Variants in ATM observed in about 807,000 individuals in gnomAD.
ATM encodes the protein ATM serine/threonine kinase.
A neutral mutation model predicts 387.0 loss-of-function variants in ATM; 308 were observed. The observed-to-expected ratio is 0.80, with a 90% CI of 0.73 to 0.87. ATM has a LOEUF of 0.87. Ranked by LOEUF, ATM falls within the 40% of genes least tolerant of loss-of-function variation. ATM has a pLI of 0.00. For synonymous variants in ATM, 1,156 were observed against 1,187.3 expected, an observed-to-expected ratio of 0.97 and a Z score of 0.54; for missense variants, 3,312 against 3,560.9, an observed-to-expected ratio of 0.93 and a Z score of 1.78.
At chr11:108,337,851 A>G (rs1329124908) in intron 56 of ATM, among the ~76,000 whole-genome samples, 1 of 152,236 alleles carries the variant, frequency 6.6e-6, no homozygotes, top group Non-Finnish European at 1.5e-5. Context: ...CTATAGGAGC[A>G]CCTCCTGAAC....
intron 18 of ATM, 26 bp from the exon 19 acceptor site, chr11:108,271,038 G>T (rs1444887481): frequency 1.3e-6 from 2 of 1,593,086 alleles, no homozygotes; most frequent in East Asian, 2.2e-5. Flanking sequence ...GGATAAACCT[G>T]ATTTTTTTCC....
At chr11:108,293,909 ATAT>A (rs2082977214) in intron 31 of ATM, among the ~76,000 whole-genome samples, 1 of 142,624 alleles carries the variant, frequency 7.0e-6, no homozygotes, top group Non-Finnish European at 1.5e-5. Context: ...ATATATATAT[ATAT>A]ATATATATGT....
chr11:108,250,597 A>G, intron 9 of ATM, 104 bp from the exon 10 acceptor site: 4 of 1,235,264 alleles, frequency 3.2e-6, no homozygotes, highest in Non-Finnish European at 4.6e-6. Flanking sequence ...AATGATGGTG[A>G]TTCTCTAATT....
chr11:108,299,909 A>T, intron 34 of ATM, 24 bp downstream of exon 34: 1 of 1,591,762 alleles, frequency 6.3e-7, no homozygotes, highest in Non-Finnish European at 8.6e-7. Context: ...GATACCTTAT[A>T]TGTAATCTCA....
rs2080739028 is a variant in ATM at position 108,259,637 on chromosome 11, A to T, written c.2466+562A>T. On this transcript the variant is annotated intron_variant, in intron 16 of 62. Coordinates refer to ENST00000675843, the MANE Select transcript of ATM (RefSeq NM_000051.4). ...ATAAATAATACATTTAAAAATTGGG[A>T]ACGAATCATCCAGGCTCACAGCTAT... Among the ~76,000 whole-genome samples the T allele has an allele frequency of 2.6e-5, 4 of 152,244 alleles. No individual in the cohort carries two copies. The South Asian group carries it at 8.3e-4, about 32-fold the overall frequency.
Position 108,228,154 on chromosome 11 carries a change from TTTAG to T in ATM, c.185+273_185+276del, listed in dbSNP as rs145084494. Among the ~76,000 whole-genome samples, 3,331 of 152,252 alleles carry T rather than the reference TTTAG, an allele frequency of 0.022. 122 individuals carry two copies. Among genetic ancestry groups the T allele is most frequent in the African/African-American group, 0.075 (3,111 of 41,556 alleles). On this transcript the variant is annotated intron_variant, in intron 3 of 62. Coordinates refer to ENST00000675843, the MANE Select transcript of ATM (RefSeq NM_000051.4). ...AAAATTGAGAGAGAATTTCTTTCAT[TTTAG>T]TTAGTTCACAAGACTTCAGATTAGA...
chr11:108,241,850 TG>T, intron 5 of ATM, among the ~76,000 whole-genome samples: 1 of 147,582 alleles, frequency 6.8e-6, no homozygotes, highest in East Asian at 2.0e-4. Flanking sequence ...TGAGCTCAAA[TG>T]ATCCTCCCAC....
rs770905284 is a variant in ATM at position 108,345,911 on chromosome 11, A to G, written c.8584+3A>G. The G allele has an allele frequency of 6.2e-7, 1 of 1,613,530 alleles. No homozygotes were observed. Among genetic ancestry groups the G allele is most frequent in the Non-Finnish European group, 8.5e-7 (1 of 1,179,650 alleles). ...CAGTGTAGCTACTTCTTCTATTGGT[A>G]ATCTTCTTGTACATATAGTAGATTG... On this transcript the variant is annotated splice_donor_region_variant and intron_variant, in intron 58 of 62. Transcript: ENST00000675843.
At chr11:108,355,458 A>G (rs754959174) in intron 61 of ATM, 23 of 157,104 alleles carry the variant, frequency 1.5e-4, no homozygotes, top group Non-Finnish European at 5.6e-5. Context: ...GGCAGAAAAA[A>G]GGAAGTCAAA....
At position 108,353,867 on chromosome 11, in the gene ATM, G is replaced by A. The variant is rs876658519; in HGVS notation, c.8773G>A (p.Gly2925Ser). 2 of 1,612,782 alleles carry A rather than the reference G, an allele frequency of 1.2e-6. No homozygotes were observed. The highest frequency in any genetic ancestry group is 1.7e-6 in the Non-Finnish European group (2 of 1,178,942). Residue 2925 changes from glycine (G) to serine (S), a missense_variant, in exon 60 of 63, where the codon GGT becomes AGT. Transcript: ENST00000675843. ...VDGMGITGVE[G>S]VFRRCCEKTM... The stretch of plus-strand genomic sequence containing the variant: ...TGGCATGGGCATTACGGGTGTTGAA[G>A]GTGTCTTCAGAAGGTAAGTGATATG...
rs2136651700 is a variant in ATM at position 108,334,962 on chromosome 11, T to C, written c.8011-7T>C. On this transcript the variant is annotated splice_region_variant and splice_polypyrimidine_tract_variant and intron_variant, in intron 54 of 62. Transcript: ENST00000675843. ...CCTATTATCAATCATGTTTATACTT[T>C]TATTAGGTGGACCACACAGGAGAAT... 6.8e-6 allele frequency: 11 copies of C among 1,611,116 alleles called. No homozygotes were observed. Among genetic ancestry groups the C allele is most frequent in the Non-Finnish European group, 9.3e-6 (11 of 1,177,302 alleles).
chr11:108,293,552 A>G (rs2135815825), intron 31 of ATM, 75 bp downstream of exon 31: 1 of 1,295,052 alleles, frequency 7.7e-7, no homozygotes, highest in Non-Finnish European at 1.1e-6. Flanking sequence ...GTAATGCTCT[A>G]GCAGTAAAAA....
chr11:108,325,499 C>T lies in ATM; in HGVS notation c.6762C>T (p.His2254=), dbSNP rs563933875. ...RECIKDILTK[H]LVELSILART... ...GTATTAAGGACATTCTCACCAAACA[C>T]CTTGTAGAACTCTCTATACTGGCCA... Residue 2254 remains histidine, a synonymous_variant, in exon 46 of 63, where the codon CAC becomes CAT. Coordinates refer to ENST00000675843, the MANE Select transcript of ATM (RefSeq NM_000051.4). The T allele has an allele frequency of 1.5e-5, 25 of 1,613,070 alleles. No individual in the cohort carries two copies. In the South Asian group the frequency reaches 2.5e-4, roughly 16 times the overall value.
intron 25 of ATM, among the ~76,000 whole-genome samples, chr11:108,283,950 TG>T (rs2082356813): frequency 6.6e-6 from 1 of 152,220 alleles, no homozygotes; most frequent in African/African-American, 2.4e-5. Flanking sequence ...TTTATTGTTT[TG>T]TTTTTTCTTT....
At position 108,289,077 on chromosome 11, in the gene ATM, A is replaced by G. The variant is rs786201832; in HGVS notation, c.4210A>G (p.Ile1404Val). The change falls in exon 28 of 63, where the codon ATT (isoleucine) becomes GTT (valine). Residue 1404 changes from isoleucine (I) to valine (V), a missense_variant. Around this residue, in one of 4 missense-constraint regions of ATM, gnomAD observed 1,791 missense variants for 1,804.5 expected, o/e 0.99. Transcript: ENST00000675843. ...SNCHKTKLKS[I>V]LEILSKSPDS... ...TTGTCATAAAACCAAGTTAAAAAGCATTTTAGAAATTCTTTCCAAAAGCCC... is the reference window on the plus strand; with the variant it reads ...TTGTCATAAAACCAAGTTAAAAAGCGTTTTAGAAATTCTTTCCAAAAGCCC... The G allele has an allele frequency of 1.2e-6, 2 of 1,611,062 alleles. No individual in the cohort carries two copies. Among genetic ancestry groups the G allele is most frequent in the African/African-American group, 2.7e-5 (2 of 74,842 alleles).
chr11:108,229,031 A>G, intron 3 of ATM, 147 bp from the exon 4 acceptor site: 3 of 747,846 alleles, frequency 4.0e-6, no homozygotes, highest in Non-Finnish European at 6.5e-6. Context: ...GAGAGATTTA[A>G]TTGTTTTATT....
At chr11:108,287,396 CT>C in intron 26 of ATM, 1 of 389,556 alleles carries the variant, frequency 2.6e-6, no homozygotes, top group East Asian at 4.3e-5. Context: ...GATTTTCATA[CT>C]TTTTCCTCTT....
In ATM at chr11:108,365,449, C is replaced by T. The variant is rs1591387978; in HGVS notation, c.9112C>T (p.Gln3038Ter). The change falls in exon 63 of 63, where the codon CAG becomes TAG. Residue 3038 changes from glutamine (Q) to a stop codon, truncating the protein, a stop_gained. Transcript: ENST00000675843. LOFTEE classifies it high-confidence loss of function. ...TGGACAAGTGAATTTGCTCATACAG[C>T]AGGCCATAGACCCCAAAAATCTCAG... is the stretch of plus-strand genomic sequence containing the variant. ...VGGQVNLLIQ[Q>*]AIDPKNLSRL... The T allele has an allele frequency of 1.2e-6, 2 of 1,614,170 alleles. No individual in the cohort carries two copies. Among genetic ancestry groups the T allele is most frequent in the South Asian group, 1.1e-5 (1 of 91,080 alleles).
At chr11:108,234,154 A>G (rs1271318290) in intron 4 of ATM, among the ~76,000 whole-genome samples, 2 of 152,310 alleles carry the variant, frequency 1.3e-5, no homozygotes, top group East Asian at 3.9e-4. Context: ...TACTAGAAAA[A>G]AGGATCACAT....
Sources: allele counts gnomAD v4.1 joint callset (sites outside exome capture counted in the v4.1 genomes callset), GRCh38; gene constraint gnomAD v4.1.1; regional missense constraint gnomAD v4.1.1; transcripts MANE v1.5; gene names NCBI Gene and HGNC (gene_info 2026-07-23, HGNC 2026-07-21).